The following VAV1 variants were observed in gnomAD, a reference collection of about 807,000 sequenced individuals.
VAV1 encodes proto-oncogene vav.
Under a neutral mutation model 128.1 loss-of-function variants are expected in VAV1, and 33 were observed. The observed-to-expected ratio is 0.26, with a 90% CI of 0.20 to 0.34. The LOEUF (loss-of-function observed/expected upper bound fraction) is 0.34. Among genes scored for constraint, VAV1 ranks in the 10% least tolerant of loss-of-function variants. The pLI, the probability that VAV1 is intolerant of heterozygous loss-of-function variation, is 1.00. For missense variants in VAV1, 715 were observed against 1,093.7 expected (o/e 0.65, Z 4.88); for synonymous variants, 394 against 409.8 (o/e 0.96, Z 0.47).
Position 6,825,339 on chromosome 19 carries a change from A to T in VAV1, c.760A>T (p.Met254Leu). 1.2e-6 allele frequency: 2 copies of T among 1,613,356 alleles called. No homozygotes were observed. Among genetic ancestry groups the T allele is most frequent in the Non-Finnish European group, 1.7e-6 (2 of 1,179,822 alleles). Residue 254 changes from methionine to leucine, a missense_variant, in exon 8 of 27, where the codon ATG becomes TTG. Coordinates refer to ENST00000602142, the MANE Select transcript of VAV1 (RefSeq NM_005428.4). ...TGTTCATACTCACTTCCTAAAGGAGATGAAGGAAGCCCTGGGCACCCCTGG... is the reference window on the plus strand; with the variant it reads ...TGTTCATACTCACTTCCTAAAGGAGTTGAAGGAAGCCCTGGGCACCCCTGG... ...LRVHTHFLKE[M>L]KEALGTPGAA...
intron 22 of VAV1, among the ~76,000 whole-genome samples, chr19:6,846,608 T>C (rs1162582155): frequency 6.7e-6 from 1 of 149,292 alleles, no homozygotes; most frequent in Non-Finnish European, 1.5e-5. Context: ...ATAATTAGTA[T>C]GTATTATTTA....
chr19:6,809,126 G>A (rs970883797), intron 1 of VAV1, among the ~76,000 whole-genome samples: 2 of 149,342 alleles, frequency 1.3e-5, no homozygotes, highest in Non-Finnish European at 2.9e-5. Context: ...TGTCGCCCAA[G>A]CTGGGGTGCA....
intron 1 of VAV1, among the ~76,000 whole-genome samples, chr19:6,800,759 T>C (rs554539230): frequency 8.5e-4 from 128 of 151,220 alleles, no homozygotes; most frequent in Non-Finnish European, 1.6e-3. Context: ...GTAGCTGGGA[T>C]TACAGGCGCC....
At chr19:6,832,830 C>T (rs979498823) in intron 15 of VAV1, among the ~76,000 whole-genome samples, 6 of 152,082 alleles carry the variant, frequency 3.9e-5, no homozygotes, top group East Asian at 3.9e-4. Context: ...CTAACAATTT[C>T]GAAGTGTATG....
At chr19:6,836,622 G>A in intron 20 of VAV1, 54 bp downstream of exon 20, 1 of 1,600,042 alleles carries the variant, frequency 6.2e-7, no homozygotes, top group Non-Finnish European at 8.5e-7. Flanking sequence ...TAGGGTTATG[G>A]ATTCATGTGG....
chr19:6,817,959 T>G, intron 1 of VAV1, among the ~76,000 whole-genome samples: 1 of 152,174 alleles, frequency 6.6e-6, no homozygotes, highest in Admixed American at 6.6e-5. Flanking sequence ...GTGCTGGGAT[T>G]ACAGGCATGA....
chr19:6,844,704 G>GT (rs1473587278), intron 22 of VAV1, among the ~76,000 whole-genome samples: 1 of 152,134 alleles, frequency 6.6e-6, no homozygotes, highest in Non-Finnish European at 1.5e-5. Flanking sequence ...GCTCTCCTGC[G>GT]TTAGCGCTCC....
rs1373963278 is a variant in VAV1, at chr19:6,820,968, G to T, written c.321+150G>T. ...AAATAGCACTGGCTTGGGATATGTG[G>T]AACTGGGTTTGAGTTCCTGCTCTGA... is the stretch of plus-strand genomic sequence containing the variant. On this transcript the variant is annotated intron_variant, in intron 2 of 26. Transcript: ENST00000602142. This position sits in a 1 kb window ranked among gnomAD's most constrained non-coding sequence, Gnocchi z 4.4. 3 of 749,954 alleles carry T rather than the reference G, an allele frequency of 4.0e-6. No individual in the cohort carries two copies. Among genetic ancestry groups the T allele is most frequent in the African/African-American group, 1.7e-5 (1 of 57,744 alleles). The allele number at this position is 749,954 out of a possible 1,614,324, so 46.5% of individuals were successfully genotyped here.
chr19:6,838,384 A>C (rs2144804081), intron 21 of VAV1, among the ~76,000 whole-genome samples: 1 of 141,028 alleles, frequency 7.1e-6, no homozygotes, highest in South Asian at 2.4e-4. Flanking sequence ...TTCATCAATC[A>C]GTTCTTCTAT....
intron 1 of VAV1, among the ~76,000 whole-genome samples, chr19:6,818,217 G>C (rs1232140405): frequency 6.6e-6 from 1 of 152,276 alleles, no homozygotes; most frequent in East Asian, 1.9e-4. Flanking sequence ...ATTTTAAATA[G>C]GGTGGCTAGA....
In VAV1 at chr19:6,828,381, A is replaced by C; in HGVS notation, c.1024-38A>C. On this transcript the variant is annotated intron_variant, in intron 10 of 26. Transcript: ENST00000602142. The surrounding 1 kb of genome is among the most constrained non-coding windows in gnomAD (Gnocchi z 4.5). ...AGGCCCTCCCCGCAGGGAGAAGGGGAGGGGCCCAGGTGACGTCTGACGTCT... is the reference window on the plus strand; with the variant it reads ...AGGCCCTCCCCGCAGGGAGAAGGGGCGGGGCCCAGGTGACGTCTGACGTCT... The C allele has an allele frequency of 6.2e-7, 1 of 1,611,534 alleles. No individual in the cohort carries two copies. Among genetic ancestry groups the C allele is most frequent in the Non-Finnish European group, 8.5e-7 (1 of 1,178,216 alleles).
At chr19:6,852,403 G>C (rs1003289669) in intron 24 of VAV1, among the ~76,000 whole-genome samples, 1 of 152,148 alleles carries the variant, frequency 6.6e-6, no homozygotes. Context: ...AATTTATCAC[G>C]AAGTAAGTTA....
rs1164581766 is a variant in VAV1 at position 6,822,315 on chromosome 19, C to T, written c.544C>T (p.Pro182Ser). 1 of 1,580,156 alleles carries T rather than the reference C, an allele frequency of 6.3e-7. No homozygotes were observed. The highest frequency in any genetic ancestry group is 8.6e-7 in the Non-Finnish European group (1 of 1,164,274). The change falls in exon 5 of 27, where the codon CCC (proline) becomes TCC (serine). Residue 182 changes from proline to serine, a missense_variant. Physicochemically the swap from Pro to Ser is moderately conservative, Grantham distance 74 (BLOSUM62 -1). Transcript: ENST00000602142. The surrounding 1 kb of genome is among the most constrained non-coding windows in gnomAD (Gnocchi z 5.9). ...CTATGAGGACCTCATGCGCTCGGAG[C>T]CCGTGTCCATGCCGGTGCGTGACGT... ...EIYEDLMRSE[P>S]VSMPPKMTEY...
At chr19:6,773,848 G>A (rs934541459) in intron 1 of VAV1, among the ~76,000 whole-genome samples, 10 of 152,124 alleles carry the variant, frequency 6.6e-5, no homozygotes, top group Admixed American at 6.6e-4. Context: ...GTTCCCCAGG[G>A]CTGCTGGGTG....
At chr19:6,791,502 A>C (rs1463325707) in intron 1 of VAV1, among the ~76,000 whole-genome samples, 2 of 151,902 alleles carry the variant, frequency 1.3e-5, no homozygotes, top group African/African-American at 2.4e-5. Flanking sequence ...GGTCCTTGAG[A>C]TATCTCCTCA....
rs191935483 is a variant in VAV1 at position 6,786,198 on chromosome 19, C to T, written c.204+13187C>T. Among the ~76,000 whole-genome samples the T allele has an allele frequency of 2.1e-3, 299 of 141,166 alleles. 1 individual carries two copies. The highest frequency in any genetic ancestry group is 8.0e-3 in the African/African-American group (285 of 35,676). The allele number at this position is 141,166 out of a possible 152,430, so 92.6% of individuals were successfully genotyped here. On this transcript the variant is annotated intron_variant, in intron 1 of 26. Coordinates refer to ENST00000602142, the MANE Select transcript of VAV1 (RefSeq NM_005428.4). The stretch of plus-strand genomic sequence containing the variant: ...TTAGAACACCACCTGGCACATAGTA[C>T]GGAATCAATTAATTTATTCATTTAT...
intron 1 of VAV1, among the ~76,000 whole-genome samples, chr19:6,795,217 C>G (rs1971105462): frequency 6.6e-6 from 1 of 152,074 alleles, no homozygotes; most frequent in African/African-American, 2.4e-5. Flanking sequence ...ATTGGCTGAA[C>G]CTATCTAGGA....
chr19:6,787,016 G>A (rs1416621465), intron 1 of VAV1, among the ~76,000 whole-genome samples: 1 of 135,356 alleles, frequency 7.4e-6, no homozygotes, highest in African/African-American at 3.0e-5. Context: ...TTGACACGCT[G>A]TCTATTTTTT....
intron 26 of VAV1, 25 bp downstream of exon 26, chr19:6,854,123 G>C: frequency 6.2e-7 from 1 of 1,609,870 alleles, no homozygotes; most frequent in Non-Finnish European, 8.5e-7. Flanking sequence ...GCTGGGTGAC[G>C]GGGAGGGCAT....
Sources: gnomAD v4.1 joint callset for allele counts (sites outside exome capture counted in the v4.1 genomes callset) on GRCh38, gnomAD v4.1.1 for gene constraint, Gnocchi (gnomAD v3.1) non-coding constraint, MANE v1.5 for transcripts, NCBI Gene and HGNC (gene_info 2026-07-23, HGNC 2026-07-21) for gene names.